The following FAM169A variants were observed in gnomAD, a reference collection of about 807,000 sequenced individuals.
FAM169A encodes the protein soluble lamin-associated protein of 75 kDa.
In FAM169A, 24 loss-of-function variants were observed where a neutral mutation model predicts 75.7. The observed-to-expected ratio is 0.32, with a 90% CI of 0.23 to 0.45. FAM169A has a LOEUF of 0.45. FAM169A is among the 20% of genes least tolerant of loss of function. FAM169A has a pLI of 1.00. For synonymous variants in FAM169A, 271 were observed against 271.0 expected (o/e 1.00, Z 0.00); for missense variants, 673 against 784.0 (o/e 0.86, Z 1.69).
At chr5:74,863,902 G>A (rs1750167498) in intron 1 of FAM169A, among the ~76,000 whole-genome samples, 1 of 152,078 alleles carries the variant, frequency 6.6e-6, no homozygotes, top group African/African-American at 2.4e-5. Flanking sequence ...ATTCCCCATA[G>A]GCCTAGGATA....
rs35476827 is a variant in FAM169A at position 74,857,572 on chromosome 5, GAAAAAAAAAAAAAAAA to G, written c.-4+8577_-4+8592del. ...GTGACAGAGCCAGACCTTGCCGCGG[GAAAAAAAAAAAAAAAA>G]AAAAAAAAAAAAAAAACTTCCCTTA... On this transcript the variant is annotated intron_variant, in intron 1 of 12. Coordinates refer to ENST00000687041, the MANE Select transcript of FAM169A (RefSeq NM_001376049.1). Among the ~76,000 whole-genome samples, 45 of 56,312 alleles carry G rather than the reference GAAAAAAAAAAAAAAAA, an allele frequency of 8.0e-4. 1 individual carries two copies. Among genetic ancestry groups the G allele is most frequent in the Middle Eastern group, 9.3e-3 (1 of 108 alleles). 36.9% of individuals were successfully genotyped at this position (56,312 alleles called of 152,430 possible). A position where few individuals can be genotyped will look rare whatever the true frequency, so the allele number is the denominator to read the frequency against.
At chr5:74,822,844 C>A (rs1239798159) in intron 5 of FAM169A, among the ~76,000 whole-genome samples, 1 of 152,142 alleles carries the variant, frequency 6.6e-6, no homozygotes, top group Non-Finnish European at 1.5e-5. Context: ...TCTTAATTAA[C>A]AGCCTCCCAC....
At chr5:74,848,012 T>G (rs974155747) in intron 1 of FAM169A, among the ~76,000 whole-genome samples, 2 of 152,278 alleles carry the variant, frequency 1.3e-5, no homozygotes, top group African/African-American at 4.8e-5. Context: ...GTATCCATCA[T>G]AGCTTTTAAT....
At chr5:74,786,772 TATC>T (rs1323114076) in intron 11 of FAM169A, among the ~76,000 whole-genome samples, 2 of 152,166 alleles carry the variant, frequency 1.3e-5, no homozygotes, top group Non-Finnish European at 2.9e-5. Context: ...CACAACCTCT[TATC>T]ATGTAAGTGG....
chr5:74,846,352 C>T (rs11955898), intron 1 of FAM169A, among the ~76,000 whole-genome samples: 53,952 of 152,084 alleles, frequency 0.35, 12,651 homozygotes, highest in African/African-American at 0.67. Flanking sequence ...GCCAGAAACT[C>T]TGTCTATAAA....
At chr5:74,824,662 G>GAA (rs1306147974) in intron 5 of FAM169A, among the ~76,000 whole-genome samples, 1 of 131,646 alleles carries the variant, frequency 7.6e-6, no homozygotes, top group African/African-American at 2.8e-5. Context: ...TAAGACTTAA[G>GAA]AAAAAAAAAA....
chr5:74,795,178 AAC>A (rs1011870553), intron 11 of FAM169A, among the ~76,000 whole-genome samples: 3 of 152,090 alleles, frequency 2.0e-5, no homozygotes, highest in African/African-American at 7.2e-5. Flanking sequence ...GAATCACTTG[AAC>A]CCAGGAAGCA....
At chr5:74,836,626 A>C (rs1027051810) in intron 4 of FAM169A, among the ~76,000 whole-genome samples, 3 of 152,202 alleles carry the variant, frequency 2.0e-5, no homozygotes, top group African/African-American at 7.2e-5. Context: ...CTGGAATAGC[A>C]GTCCCCCTTC....
chr5:74,800,491 T>C (rs1212210950), intron 10 of FAM169A, among the ~76,000 whole-genome samples: 1 of 152,086 alleles, frequency 6.6e-6, no homozygotes, highest in Non-Finnish European at 1.5e-5. Flanking sequence ...TTTGGGATAA[T>C]ATAATCACTA....
intron 2 of FAM169A, among the ~76,000 whole-genome samples, 164 bp downstream of exon 2, chr5:74,841,381 T>TA (rs1247826554): frequency 6.6e-6 from 1 of 152,202 alleles, no homozygotes; most frequent in Non-Finnish European, 1.5e-5. Flanking sequence ...TTTCTCTTTT[T>TA]AAAAACTGAT....
chr5:74,830,289 A>G (rs1748248580), intron 5 of FAM169A, among the ~76,000 whole-genome samples: 1 of 152,232 alleles, frequency 6.6e-6, no homozygotes, highest in Admixed American at 6.5e-5. Context: ...GAAGTAAACT[A>G]TAACTCTTCA....
intron 11 of FAM169A, among the ~76,000 whole-genome samples, chr5:74,787,097 G>A (rs536620311): frequency 5.9e-5 from 9 of 152,290 alleles, no homozygotes; most frequent in Non-Finnish European, 1.0e-4. Flanking sequence ...CCACAAGGAG[G>A]TGTGCTACAC....
At position 74,866,233 on chromosome 5, in the gene FAM169A, C is replaced by G; in HGVS notation, c.-72G>C. On this transcript the variant is annotated 5_prime_UTR_variant, in exon 1 of 13. Coordinates refer to ENST00000687041, the MANE Select transcript of FAM169A (RefSeq NM_001376049.1). The stretch of plus-strand genomic sequence containing the variant: ...GGCGGAGCCGCGCGAATGAATGGAG[C>G]CGGCGGCTGCTCGCTGGCGACCTCC... 1 of 983,766 alleles carries G rather than the reference C, an allele frequency of 1.0e-6. No homozygotes were observed. The highest frequency in any genetic ancestry group is 1.2e-6 in the Non-Finnish European group (1 of 829,106). 60.9% of individuals were successfully genotyped at this position (983,766 alleles called of 1,614,324 possible).
chr5:74,803,765 T>C (rs566255268), intron 8 of FAM169A, among the ~76,000 whole-genome samples: 24 of 152,304 alleles, frequency 1.6e-4, no homozygotes, highest in Non-Finnish European at 1.6e-4. Context: ...GGATACCTAA[T>C]ATTTGCAAAG....
Position 74,781,485 on chromosome 5 carries a change from G to C in FAM169A, c.1988C>G (p.Ala663Gly). The change falls in exon 13 of 13, where the codon GCT becomes GGT. Residue 663 changes from alanine to glycine, a missense_variant. Physicochemically the swap from Ala to Gly is moderately conservative, Grantham distance 60. This residue lies in a region of FAM169A where 510 missense variants were observed against 550.9 expected (regional missense o/e 0.93). Coordinates refer to ENST00000687041, the MANE Select transcript of FAM169A (RefSeq NM_001376049.1). ...RRKAKGHKGP[A>G]KKKAKLT ...TCAGGTCAGCTTAGCTTTCTTCTTAGCAGGTCCTTTATGCCCTTTGGCCTT... is the reference window on the plus strand; with the variant it reads ...TCAGGTCAGCTTAGCTTTCTTCTTACCAGGTCCTTTATGCCCTTTGGCCTT... The C allele has an allele frequency of 6.2e-7, 1 of 1,613,990 alleles. No individual in the cohort carries two copies. Among genetic ancestry groups the C allele is most frequent in the East Asian group, 2.2e-5 (1 of 44,888 alleles).
chr5:74,805,394 G>C (rs1250355519), intron 6 of FAM169A, 110 bp from the exon 7 acceptor site: 2 of 860,870 alleles, frequency 2.3e-6, no homozygotes, highest in African/African-American at 3.4e-5. Context: ...GCATAACCTT[G>C]ATACCAAAAC....
chr5:74,851,710 AC>A (rs1749453809), intron 1 of FAM169A, among the ~76,000 whole-genome samples: 1 of 152,212 alleles, frequency 6.6e-6, no homozygotes, highest in Non-Finnish European at 1.5e-5. Flanking sequence ...GTACTTCACA[AC>A]CCAGACTACT....
Position 74,778,220 on chromosome 5 carries a change from AGAC to A in FAM169A, c.*3237_*3239del, listed in dbSNP as rs892673762. The A allele has an allele frequency of 3.9e-5, 6 of 152,064 alleles. No homozygotes were observed. The highest frequency in any genetic ancestry group is 5.9e-5 in the Non-Finnish European group (4 of 67,896). The allele number at this position is 152,064 out of a possible 1,614,324, so 9.4% of individuals were successfully genotyped here. On this transcript the variant is annotated 3_prime_UTR_variant, in exon 13 of 13. Transcript: ENST00000687041. ...ATTTGTAACTAATCACACCCATGAA[AGAC>A]GACTAGATGACACCTGAAACATTTT... is the stretch of plus-strand genomic sequence containing the variant.
intron 12 of FAM169A, 115 bp from the exon 13 acceptor site, chr5:74,782,123 C>A: frequency 1.3e-6 from 1 of 763,474 alleles, no homozygotes; most frequent in South Asian, 1.9e-5. Context: ...ATTCATTACT[C>A]AAAATCGAGT....
Sources: gnomAD v4.1 joint callset for allele counts (sites outside exome capture counted in the v4.1 genomes callset) on GRCh38, gnomAD v4.1.1 for gene constraint, gnomAD v4.1.1 regional missense constraint, MANE v1.5 for transcripts, NCBI Gene and HGNC (gene_info 2026-07-23, HGNC 2026-07-21) for gene names.